CADPS2: variants seen among roughly 807,000 people sequenced by gnomAD.
CADPS2 encodes the protein calcium-dependent secretion activator 2.
CADPS2 carries 93 observed loss-of-function variants against 172.5 expected under a neutral mutation model. The observed-to-expected ratio is 0.54, with a 90% CI of 0.46 to 0.64. The LOEUF (loss-of-function observed/expected upper bound fraction) is 0.64. Ranked by LOEUF, CADPS2 falls within the 30% of genes least tolerant of loss-of-function variation. The pLI, the probability that CADPS2 is intolerant of heterozygous loss-of-function variation, is 0.00. For synonymous variants in CADPS2, 546 were observed against 555.2 expected, an observed-to-expected ratio of 0.98 and a Z score of 0.23; for missense variants, 1,420 against 1,565.9, an observed-to-expected ratio of 0.91 and a Z score of 1.57.
intron 1 of CADPS2, among the ~76,000 whole-genome samples, chr7:122,845,379 A>T (rs2428903): frequency 6.6e-6 from 1 of 152,006 alleles, no homozygotes; most frequent in Non-Finnish European, 1.5e-5. Flanking sequence ...CAGATAAAAA[A>T]CAACCACAAG....
intron 27 of CADPS2, among the ~76,000 whole-genome samples, chr7:122,347,639 T>C (rs1210970354): frequency 6.6e-6 from 1 of 152,188 alleles, no homozygotes; most frequent in Non-Finnish European, 1.5e-5. Flanking sequence ...GGAGGCAATT[T>C]ATCAAATTCA....
At chr7:122,745,818 A>C (rs946011759) in intron 1 of CADPS2, among the ~76,000 whole-genome samples, 1 of 152,082 alleles carries the variant, frequency 6.6e-6, no homozygotes, top group Non-Finnish European at 1.5e-5. Context: ...GCAATAATAA[A>C]AATTCCAGAT....
rs937606726 is a variant in CADPS2, at chr7:122,661,395, A to G, written c.786+1842T>C. On this transcript the variant is annotated intron_variant, in intron 3 of 29. Transcript: ENST00000449022. ...ATTCTCTAGTAGGCAGACAACTTAA[A>G]CATATTTTAAGTTAATAACATAAAC... Among the ~76,000 whole-genome samples the G allele has an allele frequency of 2.0e-5, 3 of 152,292 alleles. No homozygotes were observed. The East Asian group carries it at 5.8e-4, about 29-fold the overall frequency.
At chr7:122,850,282 C>G (rs1208220906) in intron 1 of CADPS2, 1 of 680,528 alleles carries the variant, frequency 1.5e-6, no homozygotes, top group Non-Finnish European at 2.2e-6. Context: ...GACTCCCCAG[C>G]AGCCTCCTTT....
intron 25 of CADPS2, among the ~76,000 whole-genome samples, chr7:122,370,303 T>C (rs1348697146): frequency 6.6e-6 from 1 of 152,216 alleles, no homozygotes; most frequent in Non-Finnish European, 1.5e-5. Flanking sequence ...ACTGTATCCC[T>C]GGCATTGAGC....
At chr7:122,369,227 G>T (rs2041437072) in intron 25 of CADPS2, among the ~76,000 whole-genome samples, 1 of 140,392 alleles carries the variant, frequency 7.1e-6, no homozygotes, top group Non-Finnish European at 1.5e-5. Flanking sequence ...CGTCTCCCGG[G>T]TTCACGCCAT....
At chr7:122,640,728 A>C (rs2077544361) in intron 3 of CADPS2, among the ~76,000 whole-genome samples, 1 of 152,104 alleles carries the variant, frequency 6.6e-6, no homozygotes, top group Non-Finnish European at 1.5e-5. Context: ...TCAGGAGATC[A>C]AGACCATCCT....
chr7:122,807,169 A>G (rs922464386), intron 1 of CADPS2, among the ~76,000 whole-genome samples: 4 of 152,228 alleles, frequency 2.6e-5, no homozygotes, highest in African/African-American at 9.6e-5. Context: ...CCCCAGCGGT[A>G]TGCCCCAACC....
intron 28 of CADPS2, among the ~76,000 whole-genome samples, chr7:122,326,670 G>A (rs530650383): frequency 4.6e-5 from 7 of 151,124 alleles, no homozygotes; most frequent in South Asian, 2.1e-4. Flanking sequence ...TTTAAACACC[G>A]AAAAAAAATT....
chr7:122,451,607 T>A (rs1038995926), intron 14 of CADPS2, 132 bp from the exon 15 acceptor site: 3 of 477,882 alleles, frequency 6.3e-6, no homozygotes, highest in African/African-American at 4.1e-5. Flanking sequence ...CAGTGGAAAT[T>A]TACTGGAAAT....
rs1463028607 is a variant in CADPS2, at chr7:122,452,684, C to A, written c.2187-1209G>T. Reference sequence around the variant, plus strand: ...GAGCTGGGATTACAGGGGTGAGCCACCGTGCCCAGCTTAGCTTATTTCTCT... The same window carrying A: ...GAGCTGGGATTACAGGGGTGAGCCAACGTGCCCAGCTTAGCTTATTTCTCT... On this transcript the variant is annotated intron_variant, in intron 14 of 29. Coordinates refer to ENST00000449022, the MANE Select transcript of CADPS2 (RefSeq NM_017954.11). 2.0e-5 allele frequency among the ~76,000 whole-genome samples: 3 copies of A among 152,164 alleles called. No individual in the cohort carries two copies. The South Asian group carries it at 6.2e-4, about 32-fold the overall frequency.
chr7:122,829,457 A>G (rs1265533939), intron 1 of CADPS2, among the ~76,000 whole-genome samples: 1 of 152,218 alleles, frequency 6.6e-6, no homozygotes. Flanking sequence ...ATAGGTAATT[A>G]TAAGACCAAC....
chr7:122,829,725 T>G (rs6963799), intron 1 of CADPS2, among the ~76,000 whole-genome samples: 30,184 of 151,650 alleles, frequency 0.2, 3,131 homozygotes, highest in Middle Eastern at 0.3. Context: ...GAAAGGTGTC[T>G]TTTAAGAAAA....
At chr7:122,864,390 G>A (rs976710946) in intron 1 of CADPS2, among the ~76,000 whole-genome samples, 3 of 152,094 alleles carry the variant, frequency 2.0e-5, no homozygotes, top group African/African-American at 7.2e-5. Flanking sequence ...TGGGTCAGGA[G>A]GATTGTTTGA....
chr7:122,800,963 G>A (rs1270967998), intron 1 of CADPS2, among the ~76,000 whole-genome samples: 1 of 146,008 alleles, frequency 6.8e-6, no homozygotes, highest in Non-Finnish European at 1.5e-5. Context: ...CTGTACTCCA[G>A]CCTGTGCGAC....
At chr7:122,366,371 G>A (rs542880677) in intron 25 of CADPS2, among the ~76,000 whole-genome samples, 16 of 150,528 alleles carry the variant, frequency 1.1e-4, no homozygotes, top group Non-Finnish European at 2.2e-4. Flanking sequence ...TTGGGAGGCC[G>A]AGGTGGGTGA....
chr7:122,418,696 T>C (rs1004859261), intron 17 of CADPS2, among the ~76,000 whole-genome samples: 4 of 152,056 alleles, frequency 2.6e-5, no homozygotes, highest in African/African-American at 9.7e-5. Flanking sequence ...CATTGTTGAG[T>C]GGCTAGAATT....
intron 3 of CADPS2, among the ~76,000 whole-genome samples, chr7:122,656,286 A>T (rs1246484128): frequency 6.6e-6 from 1 of 152,124 alleles, no homozygotes; most frequent in Non-Finnish European, 1.5e-5. Context: ...AGGGGGAGAA[A>T]GCCATTGTTC....
At chr7:122,602,205 A>G (rs999258248) in intron 6 of CADPS2, among the ~76,000 whole-genome samples, 11 of 152,016 alleles carry the variant, frequency 7.2e-5, no homozygotes, top group African/African-American at 2.4e-4. Context: ...GGAAAAAAAA[A>G]AAGTTTATTT....
Sources: allele counts gnomAD v4.1 joint callset (sites outside exome capture counted in the v4.1 genomes callset), GRCh38; gene constraint gnomAD v4.1.1; transcripts MANE v1.5; gene names NCBI Gene and HGNC (gene_info 2026-07-23, HGNC 2026-07-21).